EXOC4: variants seen among roughly 807,000 people sequenced by gnomAD.
The protein encoded by EXOC4 is exocyst complex component 4.
Under a neutral mutation model 107.2 loss-of-function variants are expected in EXOC4, and 71 were observed. The ratio of observed to expected loss-of-function variants is 0.66; its 90% CI spans 0.55 to 0.81. EXOC4 has a LOEUF of 0.81. Among genes scored for constraint, EXOC4 ranks in the 30% least tolerant of loss-of-function variants. The pLI, the probability that EXOC4 is intolerant of heterozygous loss-of-function variation, is 0.00. For synonymous variants in EXOC4, 456 were observed against 441.2 expected, an observed-to-expected ratio of 1.03 and a Z score of -0.42; for missense variants, 1,108 against 1,189.6, an observed-to-expected ratio of 0.93 and a Z score of 1.01.
intron 5 of EXOC4, among the ~76,000 whole-genome samples, chr7:133,332,034 G>A (rs2031906168): frequency 6.6e-6 from 1 of 152,114 alleles, no homozygotes; most frequent in Non-Finnish European, 1.5e-5. Flanking sequence ...TTAAGCTTTT[G>A]GACTCCCAGT....
At chr7:133,882,905 T>A (rs1337268245) in intron 11 of EXOC4, among the ~76,000 whole-genome samples, 1 of 152,178 alleles carries the variant, frequency 6.6e-6, no homozygotes, top group African/African-American at 2.4e-5. Context: ...CGGACATAAC[T>A]TTAAATTTTT....
chr7:133,531,126 A>G (rs969136613), intron 9 of EXOC4, among the ~76,000 whole-genome samples: 7 of 152,124 alleles, frequency 4.6e-5, no homozygotes, highest in Admixed American at 4.6e-4. Flanking sequence ...AGGATAAAAT[A>G]AAGTTTTTAG....
chr7:133,283,422 C>T (rs539848733), intron 2 of EXOC4, among the ~76,000 whole-genome samples: 21 of 152,328 alleles, frequency 1.4e-4, no homozygotes, highest in African/African-American at 4.3e-4. Context: ...TGTGCTTATA[C>T]CACATTTTCT....
chr7:133,928,617 A>ACCCTCCTC (rs1220652088), intron 13 of EXOC4, among the ~76,000 whole-genome samples: 2 of 151,912 alleles, frequency 1.3e-5, no homozygotes, highest in Non-Finnish European at 2.9e-5. Flanking sequence ...TCCACGCTGC[A>ACCCTCCTC]CCCTCCTCCC....
At chr7:133,916,096 G>A (rs376397833) in intron 12 of EXOC4, among the ~76,000 whole-genome samples, 6 of 152,196 alleles carry the variant, frequency 3.9e-5, no homozygotes, top group African/African-American at 1.2e-4. Context: ...TGAGAAAAAG[G>A]GGATGGGATG....
chr7:133,514,322 G>A (rs566826077), intron 9 of EXOC4, among the ~76,000 whole-genome samples: 158 of 152,038 alleles, frequency 1.0e-3, no homozygotes, highest in Non-Finnish European at 1.9e-3. Flanking sequence ...ATGCCACCGC[G>A]CCCAGCTAAT....
intron 17 of EXOC4, among the ~76,000 whole-genome samples, chr7:134,062,880 A>G (rs1796098087): frequency 6.6e-6 from 1 of 152,190 alleles, no homozygotes; most frequent in Admixed American, 6.5e-5. Flanking sequence ...GCATATTTCT[A>G]TTACAGGCAC....
At chr7:133,815,891 T>C (rs1797357268) in intron 10 of EXOC4, among the ~76,000 whole-genome samples, 1 of 152,254 alleles carries the variant, frequency 6.6e-6, no homozygotes, top group Non-Finnish European at 1.5e-5. Context: ...CTTCCAGTGT[T>C]ATCACTTTGC....
chr7:133,801,837 A>G (rs1323466161), intron 10 of EXOC4, among the ~76,000 whole-genome samples: 1 of 152,180 alleles, frequency 6.6e-6, no homozygotes, highest in Non-Finnish European at 1.5e-5. Flanking sequence ...ATAAATTAAC[A>G]CACCAATAAT....
intron 10 of EXOC4, among the ~76,000 whole-genome samples, chr7:133,769,906 G>C (rs1370659810): frequency 6.6e-6 from 1 of 151,812 alleles, no homozygotes; most frequent in Non-Finnish European, 1.5e-5. Context: ...TTTCTGTGTA[G>C]TTATAGCAAG....
chr7:133,885,663 G>A (rs1283518679), intron 11 of EXOC4, among the ~76,000 whole-genome samples: 1 of 152,074 alleles, frequency 6.6e-6, no homozygotes, highest in African/African-American at 2.4e-5. Context: ...ATCAGAGCAG[G>A]TAACCCTTGA....
intron 12 of EXOC4, among the ~76,000 whole-genome samples, chr7:133,914,980 C>T (rs1042282916): frequency 6.6e-6 from 1 of 152,086 alleles, no homozygotes; most frequent in Non-Finnish European, 1.5e-5. Context: ...TTCCATGATA[C>T]AAGAGCAGGA....
chr7:133,854,408 GCACA>G (rs56849407), intron 11 of EXOC4, among the ~76,000 whole-genome samples: 5,085 of 139,442 alleles, frequency 0.036, 103 homozygotes, highest in African/African-American at 0.068. Flanking sequence ...TGTTGAAAGA[GCACA>G]CACACACACA....
At chr7:133,543,953 A>C (rs891184944) in intron 9 of EXOC4, among the ~76,000 whole-genome samples, 5 of 152,158 alleles carry the variant, frequency 3.3e-5, no homozygotes, top group Non-Finnish European at 5.9e-5. Context: ...AATTAGGTTT[A>C]TCTTATTTCT....
chr7:133,556,517 T>C (rs1800693323), intron 9 of EXOC4, among the ~76,000 whole-genome samples: 1 of 152,100 alleles, frequency 6.6e-6, no homozygotes, highest in Non-Finnish European at 1.5e-5. Flanking sequence ...CAAAAAGAAA[T>C]AGTAAAGCAC....
At chr7:133,936,028 C>T (rs1180124881) in intron 13 of EXOC4, among the ~76,000 whole-genome samples, 1 of 152,142 alleles carries the variant, frequency 6.6e-6, no homozygotes, top group African/African-American at 2.4e-5. Flanking sequence ...CTGGGTTTAT[C>T]TCACTTTGAA....
intron 9 of EXOC4, among the ~76,000 whole-genome samples, chr7:133,522,866 GAA>G (rs1485493809): frequency 6.6e-6 from 1 of 152,080 alleles, no homozygotes; most frequent in Non-Finnish European, 1.5e-5. Flanking sequence ...ACATTCCCAA[GAA>G]TCTCTGATAT....
At chr7:133,986,195 A>C (rs1225581691) in intron 14 of EXOC4, among the ~76,000 whole-genome samples, 1 of 152,226 alleles carries the variant, frequency 6.6e-6, no homozygotes. Context: ...TGATTTTGCT[A>C]TTAATAGTTC....
chr7:134,092,262 A>G, the EXOC4 span, among the ~76,000 whole-genome samples: 1 of 152,186 alleles, frequency 6.6e-6, no homozygotes, highest in African/African-American at 2.4e-5. Context: ...GGTAAATATT[A>G]TGTATGAGAC....
Sources: allele counts gnomAD v4.1 joint callset (sites outside exome capture counted in the v4.1 genomes callset), GRCh38; gene constraint gnomAD v4.1.1; transcripts MANE v1.5; gene names NCBI Gene and HGNC (gene_info 2026-07-23, HGNC 2026-07-21).